INA: variants seen among roughly 807,000 people sequenced by gnomAD.
INA encodes the protein alpha-internexin.
A neutral mutation model predicts 40.1 loss-of-function variants in INA; 35 were observed. That is an observed-to-expected ratio of 0.87 (90% CI 0.67 to 1.16). The LOEUF is 1.16. Among genes scored for constraint, INA ranks in the 50% most tolerant of loss-of-function variants. The pLI is 0.00. For missense variants in INA, 594 were observed against 686.7 expected, an observed-to-expected ratio of 0.87 and a Z score of 1.51; for synonymous variants, 290 against 316.9, an observed-to-expected ratio of 0.92 and a Z score of 0.90.
At chr10:103,287,694 C>T (rs2093089500) in intron 2 of INA, among the ~76,000 whole-genome samples, 1 of 143,266 alleles carries the variant, frequency 7.0e-6, no homozygotes, top group South Asian at 2.2e-4. Flanking sequence ...GTGATCATGT[C>T]ACTGCACTCC....
chr10:103,288,492 C>T lies in INA; in HGVS notation c.1323C>T (p.Ser441=), dbSNP rs764177274. 6.2e-7 allele frequency: 1 copy of T among 1,613,810 alleles called. No individual in the cohort carries two copies. Among genetic ancestry groups the T allele is most frequent in the Non-Finnish European group, 8.5e-7 (1 of 1,179,974 alleles). ...GTGCTACAACCTCCAAAGTCTCATC[C>T]ACTGGGCTATCACTTAAGAAAGAGG... ...ILSATTSKVS[S]TGLSLKKEEE... Residue 441 remains serine, a synonymous_variant, in exon 3 of 3, where the codon TCC becomes TCT. Transcript: ENST00000369849.
At position 103,285,362 on chromosome 10, in the gene INA, C is replaced by T. The variant is rs539137985; in HGVS notation, c.1066-1673C>T. On this transcript the variant is annotated intron_variant, in intron 1 of 2. Coordinates refer to ENST00000369849, the MANE Select transcript of INA (RefSeq NM_032727.4). Reference sequence around the variant, plus strand: ...CCAAGCTGGAGTGCGGTGGTACGATCTCAGCTCACTGCAACCTCTGCCTTC... The same window carrying T: ...CCAAGCTGGAGTGCGGTGGTACGATTTCAGCTCACTGCAACCTCTGCCTTC... Among the ~76,000 whole-genome samples, 4 of 150,818 alleles carry T rather than the reference C, an allele frequency of 2.7e-5. No individual in the cohort carries two copies. The South Asian group carries it at 8.4e-4, about 32-fold the overall frequency.
rs780806405 is a variant in INA, at chr10:103,277,451, G to C, written c.240G>C (p.Ala80=). The change falls in exon 1 of 3, where the codon GCG becomes GCC. Residue 80 remains alanine (A), a synonymous_variant. Transcript: ENST00000369849. This position sits in a 1 kb window ranked among gnomAD's most constrained non-coding sequence, Gnocchi z 5.6. The part of the protein sequence containing the change: ...PASDGLDLSQ[A]AARTNEYKII... ...CCGACGGGCTGGACCTGAGCCAGGC[G>C]GCGGCGCGCACCAACGAGTACAAGA... is the stretch of plus-strand genomic sequence containing the variant. The C allele has an allele frequency of 1.3e-6, 2 of 1,573,454 alleles. No individual in the cohort carries two copies. The highest frequency in any genetic ancestry group is 1.1e-5 in the South Asian group (1 of 87,276).
chr10:103,279,087 T>C (rs1243367260), intron 1 of INA, among the ~76,000 whole-genome samples: 1 of 152,008 alleles, frequency 6.6e-6, no homozygotes, highest in Non-Finnish European at 1.5e-5. Context: ...CAGTTATGAA[T>C]CTCTAGGCAA....
chr10:103,278,022 C>G lies in INA; in HGVS notation c.811C>G (p.Gln271Glu). 1 of 1,610,552 alleles carries G rather than the reference C, an allele frequency of 6.2e-7. No homozygotes were observed. Among genetic ancestry groups the G allele is most frequent in the Non-Finnish European group, 8.5e-7 (1 of 1,178,564 alleles). ...CTCGGCTCTGAGGGAGATCCGCGCC[C>G]AGTATGAGTCCCTGGCCGCTAAGAA... ...LTSALREIRA[Q>E]YESLAAKNLQ... Residue 271 changes from glutamine (Q) to glutamate (E), a missense_variant, in exon 1 of 3, where the codon CAG (glutamine) becomes GAG (glutamate). By Grantham distance (29) the Gln-to-Glu change is conservative (BLOSUM62 2). Around this residue, in one of 2 missense-constraint regions of INA, gnomAD observed 379 missense variants for 496.1 expected, o/e 0.76. Coordinates refer to ENST00000369849, the MANE Select transcript of INA (RefSeq NM_032727.4). The surrounding 1 kb of genome is among the most constrained non-coding windows in gnomAD (Gnocchi z 4.9).
chr10:103,280,558 C>T (rs1028159240), intron 1 of INA: 12 of 985,314 alleles, frequency 1.2e-5, no homozygotes, highest in Middle Eastern at 5.2e-4. Context: ...GGCCATTTTT[C>T]TTTTCAAACT....
In INA at chr10:103,289,743, T is replaced by C. The variant is rs758763786; in HGVS notation, c.*1074T>C. On this transcript the variant is annotated 3_prime_UTR_variant, in exon 3 of 3. Transcript: ENST00000369849. ...AGCCTAGGTCATAAAGAGGCGTTGC[T>C]TTCACTCTCCTATGCCTTTTACGAG... The C allele has an allele frequency of 3.9e-5, 6 of 152,210 alleles. No individual in the cohort carries two copies. The highest frequency in any genetic ancestry group is 3.2e-3 in the Middle Eastern group (1 of 316). 9.4% of individuals were successfully genotyped at this position (152,210 alleles called of 1,614,324 possible).
In INA at chr10:103,288,540, G is replaced by C. The variant is rs1478116927; in HGVS notation, c.1371G>C (p.Lys457Asn). The change falls in exon 3 of 3, where the codon AAG (lysine) becomes AAC (asparagine). Residue 457 changes from lysine (K) to asparagine (N), a missense_variant. Lys to Asn is a moderately conservative substitution (Grantham distance 94). This residue lies in a region of INA where 379 missense variants were observed against 496.1 expected (regional missense o/e 0.76). Coordinates refer to ENST00000369849, the MANE Select transcript of INA (RefSeq NM_032727.4). ...KKEEEEEEAS[K>N]VASKKTSQIG... ...AGGAGGAGGAGGAGGAGGCATCTAAGGTAGCCTCTAAGAAAACCTCCCAGA... is the reference window on the plus strand; with the variant it reads ...AGGAGGAGGAGGAGGAGGCATCTAACGTAGCCTCTAAGAAAACCTCCCAGA... The C allele has an allele frequency of 6.2e-7, 1 of 1,613,658 alleles. No homozygotes were observed. The highest frequency in any genetic ancestry group is 8.5e-7 in the Non-Finnish European group (1 of 1,179,952).
At chr10:103,285,109 T>G (rs531642018) in intron 1 of INA, among the ~76,000 whole-genome samples, 3 of 151,142 alleles carry the variant, frequency 2.0e-5, no homozygotes, top group South Asian at 2.1e-4. Context: ...TCAGCCTCCC[T>G]AGTAGCTGGG....
At position 103,287,158 on chromosome 10, in the gene INA, A is replaced by G; in HGVS notation, c.1189A>G (p.Arg397Gly). ...TCTTGACATTGAGATAGCAGCTTAC[A>G]GGTACTGCAAAGGACCTGCTTACCC... is the stretch of plus-strand genomic sequence containing the variant. ...MALDIEIAAY[R>G]KLLEGEETRF... The change falls in exon 2 of 3, where the codon AGG (arginine) becomes GGG (glycine). Residue 397 changes from arginine to glycine, a missense_variant and splice_region_variant. By Grantham distance (125) the Arg-to-Gly change is moderately radical. This residue lies in a region of INA where 379 missense variants were observed against 496.1 expected (regional missense o/e 0.76). Transcript: ENST00000369849. 1.9e-6 allele frequency: 3 copies of G among 1,612,980 alleles called. No individual in the cohort carries two copies. Among genetic ancestry groups the G allele is most frequent in the Non-Finnish European group, 2.5e-6 (3 of 1,179,558 alleles).
chr10:103,279,436 C>T (rs967278738), intron 1 of INA, among the ~76,000 whole-genome samples: 1 of 152,062 alleles, frequency 6.6e-6, no homozygotes. Context: ...TTCAGTTTTA[C>T]TATATAAGAA....
At position 103,277,610 on chromosome 10, in the gene INA, C is replaced by A; in HGVS notation, c.399C>A (p.His133Gln). 1 of 1,520,434 alleles carries A rather than the reference C, an allele frequency of 6.6e-7. No individual in the cohort carries two copies. The highest frequency in any genetic ancestry group is 8.8e-7 in the Non-Finnish European group (1 of 1,141,100). The allele number at this position is 1,520,434 out of a possible 1,614,324, so 94.2% of individuals were successfully genotyped here. A position where few individuals can be genotyped will look rare whatever the true frequency, so the allele number is the denominator to read the frequency against. The part of the protein sequence containing the change: ...EAELAALRQR[H>Q]AEPSRVGELF... Reference sequence around the variant, plus strand: ...AGCTGGCCGCGCTGCGACAGCGCCACGCTGAGCCGTCGCGCGTCGGCGAGC... The same window carrying A: ...AGCTGGCCGCGCTGCGACAGCGCCAAGCTGAGCCGTCGCGCGTCGGCGAGC... Residue 133 changes from histidine to glutamine, a missense_variant, in exon 1 of 3, where the codon CAC becomes CAA. Physicochemically the swap from His to Gln is conservative, Grantham distance 24. Coordinates refer to ENST00000369849, the MANE Select transcript of INA (RefSeq NM_032727.4). The surrounding 1 kb of genome is among the most constrained non-coding windows in gnomAD (Gnocchi z 5.6).
chr10:103,283,828 G>A (rs1245988161), intron 1 of INA, among the ~76,000 whole-genome samples: 2 of 137,918 alleles, frequency 1.5e-5, no homozygotes, highest in African/African-American at 5.5e-5. Context: ...TCAGCTCACT[G>A]CAACCTCTGC....
At position 103,277,770 on chromosome 10, in the gene INA, C is replaced by T. The variant is rs777944829; in HGVS notation, c.559C>T (p.Arg187Cys). The change falls in exon 1 of 3, where the codon CGC (arginine) becomes TGC (cysteine). Residue 187 changes from arginine (R) to cysteine (C), a missense_variant. Physicochemically the swap from Arg to Cys is radical, Grantham distance 180. This residue lies in a region of INA where 379 missense variants were observed against 496.1 expected (regional missense o/e 0.76). Coordinates refer to ENST00000369849, the MANE Select transcript of INA (RefSeq NM_032727.4). The surrounding 1 kb of genome is among the most constrained non-coding windows in gnomAD (Gnocchi z 5.6). ...GCGGGCGCGCTGCGAGGAGGAGAGC[C>T]GCGGACGCGAAGGCGCCGAGCGCGC... Reference protein sequence around the residue: ...RLRARCEEESRGREGAERALK... With the variant: ...RLRARCEEESCGREGAERALK... 80 of 1,483,852 alleles carry T rather than the reference C, an allele frequency of 5.4e-5. No individual in the cohort carries two copies. In the African/African-American group the frequency reaches 1.1e-3, roughly 20 times the overall value. The allele number at this position is 1,483,852 out of a possible 1,614,324, so 91.9% of individuals were successfully genotyped here. A position where few individuals can be genotyped will look rare whatever the true frequency, so the allele number is the denominator to read the frequency against.
rs372598840 is a variant in INA, at chr10:103,280,187, C to A, written c.1065+1911C>A. 287 of 985,388 alleles carry A rather than the reference C, an allele frequency of 2.9e-4. 1 individual carries two copies. In the African/African-American group the frequency reaches 4.4e-3, roughly 15 times the overall value. 61.0% of individuals were successfully genotyped at this position (985,388 alleles called of 1,614,324 possible). ...ACAGGAAACAAACAAAAAACAACAA[C>A]AGAGAAACTGCAGCATCTGCAGCTC... On this transcript the variant is annotated intron_variant, in intron 1 of 2. Coordinates refer to ENST00000369849, the MANE Select transcript of INA (RefSeq NM_032727.4).
chr10:103,280,858 A>C (rs527743640), intron 1 of INA: 2 of 985,288 alleles, frequency 2.0e-6, no homozygotes, highest in Non-Finnish European at 2.4e-6. Context: ...TGGTGCCTAC[A>C]TAGCCACTTC....
At chr10:103,283,910 C>G (rs1335515925) in intron 1 of INA, among the ~76,000 whole-genome samples, 2 of 151,894 alleles carry the variant, frequency 1.3e-5, no homozygotes, top group Admixed American at 1.3e-4. Context: ...GCCACCACGC[C>G]CAGCTAATTT....
Position 103,277,225 on chromosome 10 carries a change from C to G in INA, c.14C>G (p.Ser5Trp), listed in dbSNP as rs758527412. Residue 5 changes from serine (S) to tryptophan (W), a missense_variant, in exon 1 of 3, where the codon TCG becomes TGG. By Grantham distance (177) the Ser-to-Trp change is radical. This residue lies in a region of INA where 215 missense variants were observed against 190.6 expected (regional missense o/e 1.13). Coordinates refer to ENST00000369849, the MANE Select transcript of INA (RefSeq NM_032727.4). This position sits in a 1 kb window ranked among gnomAD's most constrained non-coding sequence, Gnocchi z 5.6. ...GATCCCGGCACCATGAGCTTCGGCT[C>G]GGAGCACTACCTGTGCTCCTCCTCC... is the stretch of plus-strand genomic sequence containing the variant. MSFGSEHYLCSSSSY... is the reference protein window; with the variant it reads MSFGWEHYLCSSSSY... 1 of 1,580,690 alleles carries G rather than the reference C, an allele frequency of 6.3e-7. No homozygotes were observed. The highest frequency in any genetic ancestry group is 1.1e-5 in the South Asian group (1 of 88,432).
intron 1 of INA, among the ~76,000 whole-genome samples, chr10:103,284,248 C>T (rs973013464): frequency 2.0e-5 from 3 of 152,122 alleles, no homozygotes; most frequent in African/African-American, 7.2e-5. Flanking sequence ...TCGCCTGCCT[C>T]AGCTACCCAA....
Sources: allele counts gnomAD v4.1 joint callset (sites outside exome capture counted in the v4.1 genomes callset), GRCh38; gene constraint gnomAD v4.1.1; regional missense constraint gnomAD v4.1.1; non-coding constraint Gnocchi (gnomAD v3.1); transcripts MANE v1.5; gene names NCBI Gene and HGNC (gene_info 2026-07-23, HGNC 2026-07-21).